MAPK10: variants seen among roughly 807,000 people sequenced by gnomAD.
MAPK10 encodes mitogen-activated protein kinase 10.
Under a neutral mutation model 59.3 loss-of-function variants are expected in MAPK10, and 25 were observed. The observed-to-expected ratio is 0.42, with a 90% CI of 0.31 to 0.59. The LOEUF is 0.59. MAPK10 is among the 20% of genes least tolerant of loss of function. The pLI, the probability that MAPK10 is intolerant of heterozygous loss-of-function variation, is 0.15. For missense variants in MAPK10, 351 were observed against 568.9 expected (o/e 0.62, Z 3.90); for synonymous variants, 190 against 200.5 (o/e 0.95, Z 0.44).
chr4:86,121,233 C>A (rs2059187117), intron 4 of MAPK10, among the ~76,000 whole-genome samples: 1 of 152,142 alleles, frequency 6.6e-6, no homozygotes, highest in South Asian at 2.1e-4. Context: ...ATTCTTGAGT[C>A]TGGGAAGTAC....
At chr4:86,122,027 A>G (rs2059341608) in intron 4 of MAPK10, among the ~76,000 whole-genome samples, 1 of 152,114 alleles carries the variant, frequency 6.6e-6, no homozygotes, top group Non-Finnish European at 1.5e-5. Flanking sequence ...GGGCCTTGGG[A>G]ATTTAATCAT....
intron 9 of MAPK10, among the ~76,000 whole-genome samples, chr4:86,097,012 T>C (rs1476025910): frequency 1.3e-5 from 2 of 152,002 alleles, no homozygotes; most frequent in East Asian, 3.8e-4. Flanking sequence ...ATCATATACG[T>C]AGTTTTAAGT....
intron 2 of MAPK10, among the ~76,000 whole-genome samples, chr4:86,215,632 G>T (rs991321824): frequency 1.3e-5 from 2 of 152,282 alleles, no homozygotes; most frequent in South Asian, 4.1e-4. Flanking sequence ...GGAGACCAAG[G>T]CAGATGGATC....
At chr4:86,122,305 T>C (rs1009686674) in intron 4 of MAPK10, among the ~76,000 whole-genome samples, 5 of 152,136 alleles carry the variant, frequency 3.3e-5, no homozygotes, top group African/African-American at 1.2e-4. Flanking sequence ...AAGCAGATAG[T>C]ATTATATTTT....
chr4:86,208,621 A>T (rs943687853), intron 2 of MAPK10, among the ~76,000 whole-genome samples: 1 of 151,958 alleles, frequency 6.6e-6, no homozygotes, highest in African/African-American at 2.4e-5. Context: ...TGACAAACCC[A>T]CAGCCAATAT....
chr4:86,268,789 C>G (rs1459382366), intron 2 of MAPK10, among the ~76,000 whole-genome samples: 1 of 152,144 alleles, frequency 6.6e-6, no homozygotes, highest in Non-Finnish European at 1.5e-5. Flanking sequence ...AGTCTTGTCA[C>G]TTTCTTGTAT....
At chr4:86,466,738 C>T (rs771985420) in intron 1 of MAPK10, among the ~76,000 whole-genome samples, 2 of 152,156 alleles carry the variant, frequency 1.3e-5, no homozygotes, top group Non-Finnish European at 2.9e-5. Context: ...ATGAAAAGCA[C>T]ACAGAACAAA....
At position 86,220,297 on chromosome 4, in the gene MAPK10, T is replaced by G. The variant is rs146214184; in HGVS notation, c.-6-25890A>C. On this transcript the variant is annotated intron_variant, in intron 2 of 13. Coordinates refer to ENST00000641462, the MANE Select transcript of MAPK10 (RefSeq NM_138982.4). ...CTGTATGGAGCCATCATTAATCACT[T>G]ATGAGAGTTACTCATGCTAAATGCG... Among the ~76,000 whole-genome samples, 1,155 of 152,244 alleles carry G rather than the reference T, an allele frequency of 7.6e-3. 20 individuals are homozygous for G. The highest frequency in any genetic ancestry group is 0.026 in the African/African-American group (1,061 of 41,554).
chr4:86,246,170 G>T (rs762997975), intron 2 of MAPK10, among the ~76,000 whole-genome samples: 8 of 152,116 alleles, frequency 5.3e-5, no homozygotes, highest in African/African-American at 1.4e-4. Context: ...GGTGGCTCAC[G>T]CCTGTAATCC....
At chr4:86,388,921 A>G (rs1160187477) in intron 1 of MAPK10, among the ~76,000 whole-genome samples, 1 of 152,234 alleles carries the variant, frequency 6.6e-6, no homozygotes, top group African/African-American at 2.4e-5. Context: ...CAAATGAATT[A>G]ATAAATGAAT....
intron 1 of MAPK10, among the ~76,000 whole-genome samples, chr4:86,449,662 T>G (rs970343435): frequency 2.6e-5 from 4 of 152,224 alleles, no homozygotes; most frequent in African/African-American, 9.6e-5. Context: ...TAGGAAACTG[T>G]GACTTGCTTT....
intron 2 of MAPK10, among the ~76,000 whole-genome samples, chr4:86,266,188 G>A (rs558247941): frequency 6.6e-6 from 1 of 152,260 alleles, no homozygotes; most frequent in Admixed American, 6.5e-5. Context: ...GGTAAATGGA[G>A]GCTGGAGTTC....
chr4:86,059,992 C>A lies in MAPK10; in HGVS notation c.1110+4274G>T, dbSNP rs943615311. 2.1e-5 allele frequency among the ~76,000 whole-genome samples: 3 copies of A among 144,258 alleles called. No individual in the cohort carries two copies. The South Asian group carries it at 6.2e-4, about 30-fold the overall frequency. The allele number at this position is 144,258 out of a possible 152,430, so 94.6% of individuals were successfully genotyped here. A position where few individuals can be genotyped will look rare whatever the true frequency, so the allele number is the denominator to read the frequency against. ...CCAAGCAGCTCTACCTGCCTCTCTG[C>A]CCTGATTCCCAGAGTAAGGTTTCAG... On this transcript the variant is annotated intron_variant, in intron 11 of 13. Coordinates refer to ENST00000641462, the MANE Select transcript of MAPK10 (RefSeq NM_138982.4).
chr4:86,349,832 C>A (rs1730250854), intron 2 of MAPK10, among the ~76,000 whole-genome samples: 1 of 152,104 alleles, frequency 6.6e-6, no homozygotes, highest in Non-Finnish European at 1.5e-5. Context: ...ATGCTGCTAG[C>A]CCCCAGACCA....
In MAPK10 at chr4:86,016,008, G is replaced by A. The variant is rs1560525074; in HGVS notation, c.*1220C>T. On this transcript the variant is annotated 3_prime_UTR_variant, in exon 14 of 14. Coordinates refer to ENST00000641462, the MANE Select transcript of MAPK10 (RefSeq NM_138982.4). ...TATTTCTCAAAATAAAACTTTGGCA[G>A]AGTATGAATCAGGGAAGCAGCCCAC... 2 of 152,168 alleles carry A rather than the reference G, an allele frequency of 1.3e-5. No homozygotes were observed. Among genetic ancestry groups the A allele is most frequent in the African/African-American group, 4.8e-5 (2 of 41,434 alleles). 9.4% of individuals were successfully genotyped at this position (152,168 alleles called of 1,614,324 possible).
At chr4:86,555,702 T>G in intron 1 of MAPK10, among the ~76,000 whole-genome samples, 1 of 152,208 alleles carries the variant, frequency 6.6e-6, no homozygotes, top group East Asian at 1.9e-4. Context: ...TTTGGTTATT[T>G]AAATAAATAT....
intron 2 of MAPK10, among the ~76,000 whole-genome samples, chr4:86,209,777 C>G (rs2085269388): frequency 7.8e-6 from 1 of 128,336 alleles, no homozygotes; most frequent in African/African-American, 4.2e-5. Flanking sequence ...GAAAAACAAT[C>G]CTAAATGTAT....
At chr4:86,486,910 A>G (rs1175192151) in intron 1 of MAPK10, among the ~76,000 whole-genome samples, 3 of 152,236 alleles carry the variant, frequency 2.0e-5, no homozygotes, top group Non-Finnish European at 2.9e-5. Flanking sequence ...AGAAGGACAA[A>G]TCACTGATGT....
chr4:86,170,545 C>G (rs2073792029), intron 3 of MAPK10, among the ~76,000 whole-genome samples: 1 of 151,862 alleles, frequency 6.6e-6, no homozygotes, highest in Admixed American at 6.6e-5. Flanking sequence ...ATATATGCAC[C>G]CAATACAGGA....
Sources: allele counts gnomAD v4.1 joint callset (sites outside exome capture counted in the v4.1 genomes callset), GRCh38; gene constraint gnomAD v4.1.1; transcripts MANE v1.5; gene names NCBI Gene and HGNC (gene_info 2026-07-23, HGNC 2026-07-21).